Variants in TBC1D22A observed in about 807,000 individuals in gnomAD.
TBC1D22A encodes putative GTPase activator.
Under a neutral mutation model 60.2 loss-of-function variants are expected in TBC1D22A, and 38 were observed. The observed-to-expected ratio is 0.63, with a 90% CI of 0.49 to 0.83. TBC1D22A has a LOEUF of 0.83. Ranked by LOEUF, TBC1D22A falls within the 40% of genes least tolerant of loss-of-function variation. The pLI, the probability that TBC1D22A is intolerant of heterozygous loss-of-function variation, is 0.00. For missense variants in TBC1D22A, 628 were observed against 701.0 expected, an observed-to-expected ratio of 0.90 and a Z score of 1.18; for synonymous variants, 302 against 281.7, an observed-to-expected ratio of 1.07 and a Z score of -0.72.
chr22:47,172,707 A>G lies in TBC1D22A; in HGVS notation c.1426-791A>G, dbSNP rs182348841. Among the ~76,000 whole-genome samples, 16 of 152,314 alleles carry G rather than the reference A, an allele frequency of 1.1e-4. No homozygotes were observed. The East Asian group carries it at 2.5e-3, about 24-fold the overall frequency. On this transcript the variant is annotated intron_variant, in intron 12 of 12. Coordinates refer to ENST00000337137, the MANE Select transcript of TBC1D22A (RefSeq NM_014346.5). ...ACATTAGAAAGCAATAAATAAATAA[A>G]TGGTGGCCCCATTTTGCAGAGGAGG... is the stretch of plus-strand genomic sequence containing the variant.
intron 4 of TBC1D22A, among the ~76,000 whole-genome samples, chr22:46,852,056 C>G (rs1263211195): frequency 6.6e-6 from 1 of 152,146 alleles, no homozygotes; most frequent in Admixed American, 6.5e-5. Flanking sequence ...TGGTGGGGCT[C>G]AGGGGCGCCG....
intron 9 of TBC1D22A, among the ~76,000 whole-genome samples, chr22:46,986,690 C>G (rs2074735633): frequency 6.8e-6 from 1 of 146,706 alleles, no homozygotes; most frequent in Admixed American, 6.9e-5. Flanking sequence ...TGTAGTAAAT[C>G]AATTTTGGAT....
chr22:46,881,410 C>T (rs1359679872), intron 5 of TBC1D22A, among the ~76,000 whole-genome samples: 8 of 152,174 alleles, frequency 5.3e-5, no homozygotes, highest in Non-Finnish European at 8.8e-5. Context: ...CCTCCAACCC[C>T]GACAGACCTA....
chr22:47,115,768 C>G (rs2066019252), intron 12 of TBC1D22A: 1 of 152,304 alleles, frequency 6.6e-6, no homozygotes, highest in African/African-American at 2.4e-5. Flanking sequence ...AAGGCCAGCT[C>G]CAGCATGTCA....
intron 10 of TBC1D22A, among the ~76,000 whole-genome samples, chr22:47,005,131 G>A (rs2061541769): frequency 6.6e-6 from 1 of 151,386 alleles, no homozygotes; most frequent in Non-Finnish European, 1.5e-5. Context: ...TTACACACGT[G>A]TCTATACACA....
At chr22:46,892,724 C>G (rs2068466779) in intron 6 of TBC1D22A, among the ~76,000 whole-genome samples, 1 of 152,236 alleles carries the variant, frequency 6.6e-6, no homozygotes, top group Non-Finnish European at 1.5e-5. Flanking sequence ...AAGGATGACA[C>G]TAGCATCTAT....
intron 4 of TBC1D22A, among the ~76,000 whole-genome samples, chr22:46,866,355 G>A (rs918569830): frequency 2.0e-5 from 3 of 152,080 alleles, no homozygotes; most frequent in Admixed American, 6.6e-5. Flanking sequence ...TCGGCCCACC[G>A]CAGCCTCCCA....
At chr22:46,921,057 C>T (rs546910810) in intron 8 of TBC1D22A, among the ~76,000 whole-genome samples, 152 of 152,310 alleles carry the variant, frequency 1.0e-3, no homozygotes, top group Non-Finnish European at 1.7e-3. Context: ...AGGCATGAGC[C>T]ACTGTGCCCG....
At chr22:46,785,962 G>C (rs756542046) in intron 1 of TBC1D22A, among the ~76,000 whole-genome samples, 1 of 152,070 alleles carries the variant, frequency 6.6e-6, no homozygotes, top group Non-Finnish European at 1.5e-5. Flanking sequence ...TTGATTTTTT[G>C]TAGAGATCAA....
intron 10 of TBC1D22A, among the ~76,000 whole-genome samples, chr22:46,999,592 C>T (rs957659573): frequency 6.6e-6 from 1 of 152,180 alleles, no homozygotes; most frequent in Non-Finnish European, 1.5e-5. Flanking sequence ...CAGGTCTCGG[C>T]CACGTGAAGC....
intron 12 of TBC1D22A, among the ~76,000 whole-genome samples, chr22:47,172,510 TC>T (rs1466100154): frequency 1.3e-5 from 2 of 152,234 alleles, no homozygotes; most frequent in Admixed American, 6.5e-5. Context: ...TTCCCTATTT[TC>T]CTACTTACAT....
rs149424006 is a variant in TBC1D22A, at chr22:47,064,165, T to C, written c.1329+26967T>C. Among the ~76,000 whole-genome samples, 1,124 of 152,328 alleles carry C rather than the reference T, an allele frequency of 7.4e-3. 12 individuals carry two copies. The highest frequency in any genetic ancestry group is 0.026 in the African/African-American group (1,090 of 41,580). On this transcript the variant is annotated intron_variant, in intron 11 of 12. Transcript: ENST00000337137. ...TGGACAGGCCCTCGTGGAGCAGGGCTGATGCGTTGCCGTTGCCGGGGAGCC... is the reference window on the plus strand; with the variant it reads ...TGGACAGGCCCTCGTGGAGCAGGGCCGATGCGTTGCCGTTGCCGGGGAGCC...
rs144947673 is a variant in TBC1D22A at position 46,800,087 on chromosome 22, C to T, written c.637+2467C>T. Among the ~76,000 whole-genome samples the T allele has an allele frequency of 4.6e-5, 7 of 152,248 alleles. No individual in the cohort carries two copies. The South Asian group carries it at 6.2e-4, about 14-fold the overall frequency. ...TTTTCCCATGGCGTACGTGGAGAACCGCCTTAGTCTTTAGAGTGCCCTGTA... is the reference window on the plus strand; with the variant it reads ...TTTTCCCATGGCGTACGTGGAGAACTGCCTTAGTCTTTAGAGTGCCCTGTA... On this transcript the variant is annotated intron_variant, in intron 4 of 12. Coordinates refer to ENST00000337137, the MANE Select transcript of TBC1D22A (RefSeq NM_014346.5).
At chr22:47,006,159 G>T (rs1729754643) in intron 10 of TBC1D22A, among the ~76,000 whole-genome samples, 1 of 152,184 alleles carries the variant, frequency 6.6e-6, no homozygotes, top group Non-Finnish European at 1.5e-5. Flanking sequence ...GTTGTTGCTG[G>T]TCGCACATTT....
chr22:46,864,203 C>T (rs2066943405), intron 4 of TBC1D22A, among the ~76,000 whole-genome samples: 1 of 152,172 alleles, frequency 6.6e-6, no homozygotes, highest in East Asian at 1.9e-4. Context: ...TTTTGAAAAA[C>T]TCTGTTATGT....
intron 12 of TBC1D22A, among the ~76,000 whole-genome samples, chr22:47,163,253 T>A (rs2068069250): frequency 6.6e-6 from 1 of 152,228 alleles, no homozygotes; most frequent in Non-Finnish European, 1.5e-5. Context: ...AGCCCCTCTT[T>A]GTCTGGCATC....
intron 1 of TBC1D22A, among the ~76,000 whole-genome samples, chr22:46,786,013 C>T (rs561304090): frequency 2.0e-4 from 31 of 152,278 alleles, no homozygotes; most frequent in African/African-American, 7.5e-4. Context: ...AACTCCTGGG[C>T]TCAAGTTATT....
At chr22:47,092,297 A>G (rs1266566150) in intron 11 of TBC1D22A, among the ~76,000 whole-genome samples, 1 of 152,166 alleles carries the variant, frequency 6.6e-6, no homozygotes, top group African/African-American at 2.4e-5. Flanking sequence ...GCCCCAGAGC[A>G]CAGGACAGAG....
At chr22:47,073,058 A>G (rs1404628680) in intron 11 of TBC1D22A, among the ~76,000 whole-genome samples, 7 of 152,216 alleles carry the variant, frequency 4.6e-5, no homozygotes, top group African/African-American at 7.2e-5. Context: ...TAGATTTTCT[A>G]TCCCTCTCAA....
Sources: gnomAD v4.1 joint callset for allele counts (sites outside exome capture counted in the v4.1 genomes callset) on GRCh38, gnomAD v4.1.1 for gene constraint, MANE v1.5 for transcripts, NCBI Gene and HGNC (gene_info 2026-07-23, HGNC 2026-07-21) for gene names.